TRAP1: variants seen among roughly 807,000 people sequenced by gnomAD.
TRAP1 encodes the protein TNF receptor associated protein 1, also known as heat shock protein 75 kDa, mitochondrial.
In TRAP1, 102 loss-of-function variants were observed where a neutral mutation model predicts 89.1. The ratio of observed to expected loss-of-function variants is 1.15; its 90% CI spans 0.98 to 1.35. The LOEUF is 1.35. Ranked by LOEUF, TRAP1 falls within the 40% of genes most tolerant of loss-of-function variation. TRAP1 has a pLI of 0.00. For synonymous variants in TRAP1, 508 were observed against 388.0 expected (o/e 1.31, Z -3.64); for missense variants, 1,256 against 945.3 (o/e 1.33, Z -4.31).
intron 1 of TRAP1, among the ~76,000 whole-genome samples, chr16:3,706,456 C>CTTTTTTTT (rs34658116): frequency 2.0e-5 from 2 of 98,974 alleles, no homozygotes; most frequent in Non-Finnish European, 3.9e-5. Context: ...TATTTGCACT[C>CTTTTTTTT]TTTTTTTTTT....
At chr16:3,696,401 CTG>C (rs1304302144) in intron 1 of TRAP1, among the ~76,000 whole-genome samples, 1 of 152,202 alleles carries the variant, frequency 6.6e-6, no homozygotes, top group Non-Finnish European at 1.5e-5. Context: ...GGATTGTAAG[CTG>C]TGACCCGGCA....
At chr16:3,658,348 C>G (rs2042845731) in intron 17 of TRAP1, 118 bp from the exon 18 acceptor site, 1 of 788,956 alleles carries the variant, frequency 1.3e-6, no homozygotes, top group Non-Finnish European at 2.1e-6. Context: ...GATCTCGGCT[C>G]ACTGCAACCT....
In TRAP1 at chr16:3,670,678, T is replaced by A. The variant is rs191008525; in HGVS notation, c.1235+1044A>T. Among the ~76,000 whole-genome samples, 8 of 152,276 alleles carry A rather than the reference T, an allele frequency of 5.3e-5. No homozygotes were observed. In the East Asian group the frequency reaches 1.5e-3, roughly 29 times the overall value. On this transcript the variant is annotated intron_variant, in intron 11 of 17. Coordinates refer to ENST00000246957, the MANE Select transcript of TRAP1 (RefSeq NM_016292.3). Reference sequence around the variant, plus strand: ...GTGATCACACCACTGCATTCCAACCTGGACAACAAGAAAGACCCTATCAGT... The same window carrying A: ...GTGATCACACCACTGCATTCCAACCAGGACAACAAGAAAGACCCTATCAGT...
chr16:3,717,382 C>T, intron 1 of TRAP1, 39 bp downstream of exon 1: 1 of 906,342 alleles, frequency 1.1e-6, no homozygotes. Context: ...TCTCCGTGGC[C>T]CGGCCCGCCC....
At chr16:3,692,671 T>A (rs2051231749) in intron 1 of TRAP1, among the ~76,000 whole-genome samples, 2 of 141,230 alleles carry the variant, frequency 1.4e-5, no homozygotes, top group Non-Finnish European at 3.0e-5. Context: ...CAATCTCGGC[T>A]CATTGCAACC....
chr16:3,710,634 T>C lies in TRAP1; in HGVS notation c.88+6787A>G, dbSNP rs571095017. On this transcript the variant is annotated intron_variant, in intron 1 of 17. Transcript: ENST00000246957. ...TGGAAAATTCGCTTGAACATTCCAT[T>C]GCCTGACAAATGCTGAAATACTGGC... Among the ~76,000 whole-genome samples, 3 of 152,238 alleles carry C rather than the reference T, an allele frequency of 2.0e-5. No individual in the cohort carries two copies. In the South Asian group the frequency reaches 6.2e-4, roughly 32 times the overall value.
In TRAP1 at chr16:3,664,319, T is replaced by C. The variant is rs1228034276; in HGVS notation, c.1524A>G (p.Ala508=). 6.2e-7 allele frequency: 1 copy of C among 1,612,020 alleles called. No individual in the cohort carries two copies. The highest frequency in any genetic ancestry group is 8.5e-7 in the Non-Finnish European group (1 of 1,179,316). Residue 508 remains alanine (A), a synonymous_variant, in exon 13 of 18, where the codon GCA becomes GCG. Transcript: ENST00000246957. ...TGGCCTCATAGTAGGGTGAGTGCTC[T>C]GCCAGGTGACGGTTGGGGGCGCACA... ...YYLCAPNRHL[A]EHSPYYEAMK... is the part of the protein sequence containing the mutation.
rs2043168421 is a variant in TRAP1, at chr16:3,662,926, C to T, written c.1750G>A (p.Ala584Thr). 2 of 1,612,952 alleles carry T rather than the reference C, an allele frequency of 1.2e-6. No individual in the cohort carries two copies. Among genetic ancestry groups the T allele is most frequent in the Middle Eastern group, 1.6e-4 (1 of 6,082 alleles). Residue 584 changes from alanine (A) to threonine (T), a missense_variant, in exon 15 of 18, where the codon GCC becomes ACC. Physicochemically the swap from Ala to Thr is moderately conservative, Grantham distance 58 (BLOSUM62 0). Coordinates refer to ENST00000246957, the MANE Select transcript of TRAP1 (RefSeq NM_016292.3). ...LSEKETEELM[A>T]WMRNVLGSRV... ...GACCCCAGCACATTTCTCATCCAGG[C>T]CATGAGCTCCTCCGTCTCCTTCTCT...
intron 7 of TRAP1, 137 bp downstream of exon 7, chr16:3,675,899 C>T: frequency 1.4e-6 from 1 of 728,594 alleles, no homozygotes; most frequent in South Asian, 2.0e-5. Context: ...CCTCCCAGTC[C>T]CGCAGCGGCT....
intron 11 of TRAP1, among the ~76,000 whole-genome samples, chr16:3,668,935 G>A (rs561522357): frequency 1.9e-4 from 29 of 152,304 alleles, no homozygotes; most frequent in Admixed American, 3.9e-4. Flanking sequence ...CCGCAGGGAC[G>A]CCAGGAGCTC....
At chr16:3,693,883 C>G (rs961721933) in intron 1 of TRAP1, among the ~76,000 whole-genome samples, 1 of 151,842 alleles carries the variant, frequency 6.6e-6, no homozygotes, top group African/African-American at 2.4e-5. Context: ...GTCCCAGCTA[C>G]TTGTGAGGCT....
At chr16:3,710,234 C>T (rs900303173) in intron 1 of TRAP1, among the ~76,000 whole-genome samples, 3 of 152,232 alleles carry the variant, frequency 2.0e-5, no homozygotes, top group African/African-American at 7.2e-5. Context: ...TGGAAGACTA[C>T]TGGCCCCATA....
intron 13 of TRAP1, 158 bp from the exon 14 acceptor site, chr16:3,663,720 A>G (rs1448941681): frequency 1.2e-6 from 1 of 831,640 alleles, no homozygotes; most frequent in Non-Finnish European, 1.8e-6. Context: ...AGTTACTACG[A>G]CACCTGGGTC....
rs773434458 is a variant in TRAP1, at chr16:3,671,725, A to T, written c.1232T>A (p.Ile411Asn). Residue 411 changes from isoleucine (I) to asparagine (N), a missense_variant, in exon 11 of 18, where the codon ATC becomes AAC. Coordinates refer to ENST00000246957, the MANE Select transcript of TRAP1 (RefSeq NM_016292.3). The part of the protein sequence containing the change: ...SRELLQESAL[I>N]RKLRDVLQQR... The stretch of plus-strand genomic sequence containing the variant: ...CTCCCCGCGGCCCGAGGCTCACCTG[A>T]TGAGTGCGCTCTCCTGCAGCAGCTC... The T allele has an allele frequency of 6.2e-7, 1 of 1,612,848 alleles. No individual in the cohort carries two copies. The highest frequency in any genetic ancestry group is 1.1e-5 in the South Asian group (1 of 91,068).
intron 4 of TRAP1, among the ~76,000 whole-genome samples, chr16:3,684,056 C>T (rs967220711): frequency 2.0e-5 from 3 of 151,960 alleles, no homozygotes. Context: ...AACCCAGCTA[C>T]TTGGGGGGCT....
intron 1 of TRAP1, among the ~76,000 whole-genome samples, chr16:3,710,973 G>A (rs2051523508): frequency 6.7e-6 from 1 of 149,238 alleles, no homozygotes; most frequent in African/African-American, 2.5e-5. Context: ...CAAGGCTTAA[G>A]GGAGCCTCCC....
intron 3 of TRAP1, 28 bp from the exon 4 acceptor site, chr16:3,686,164 A>C (rs772496479): frequency 2.9e-5 from 47 of 1,610,424 alleles, no homozygotes; most frequent in Non-Finnish European, 3.7e-5. Flanking sequence ...GGAGGCACAG[A>C]CAATGAAGGA....
intron 6 of TRAP1, 123 bp downstream of exon 6, chr16:3,677,375 G>A: frequency 7.5e-7 from 1 of 1,332,666 alleles, no homozygotes; most frequent in Non-Finnish European, 1.0e-6. Flanking sequence ...GGGAGAGTCA[G>A]ATTTCATATA....
chr16:3,672,014 G>A (rs899514207), intron 10 of TRAP1, among the ~76,000 whole-genome samples: 3 of 152,218 alleles, frequency 2.0e-5, no homozygotes, highest in African/African-American at 4.8e-5. Flanking sequence ...GGTAACACTC[G>A]GAAAATGACA....
Sources: gnomAD v4.1 joint callset for allele counts (sites outside exome capture counted in the v4.1 genomes callset) on GRCh38, gnomAD v4.1.1 for gene constraint, MANE v1.5 for transcripts, NCBI Gene and HGNC (gene_info 2026-07-23, HGNC 2026-07-21) for gene names.